The following ANK2 variants were observed in gnomAD, a reference collection of about 807,000 sequenced individuals.
ANK2 encodes the protein ankyrin-2.
Under a neutral mutation model 360.5 loss-of-function variants are expected in ANK2, and 83 were observed. That is an observed-to-expected ratio of 0.23 (90% CI 0.19 to 0.28). The LOEUF is 0.28. Ranked by LOEUF, ANK2 falls within the 10% of genes least tolerant of loss-of-function variation. The probability of loss-of-function intolerance (pLI) is 1.00; values close to 1 mark genes in which losing one functional copy is unlikely to be tolerated. For synonymous variants in ANK2, 1,740 were observed against 1,759.5 expected, an observed-to-expected ratio of 0.99 and a Z score of 0.28; for missense variants, 4,201 against 4,795.7, an observed-to-expected ratio of 0.88 and a Z score of 3.66.
the ANK2 span, among the ~76,000 whole-genome samples, chr4:112,793,512 T>C: frequency 6.6e-6 from 1 of 152,108 alleles, no homozygotes; most frequent in Non-Finnish European, 1.5e-5. Flanking sequence ...CCCCTGTTAA[T>C]AATTTTGTCT....
intron 45 of ANK2, chr4:113,378,003 A>C (rs548267509): frequency 2.0e-6 from 1 of 501,000 alleles, no homozygotes; most frequent in South Asian, 2.2e-5. Context: ...ATCTTTTCAT[A>C]CTGACTATGA....
At chr4:112,905,755 G>A (rs369246443) in intron 2 of ANK2, among the ~76,000 whole-genome samples, 32 of 152,046 alleles carry the variant, frequency 2.1e-4, no homozygotes, top group Admixed American at 6.6e-5. Context: ...TCCACCTTCC[G>A]GGCTCAAGTG....
the ANK2 span, among the ~76,000 whole-genome samples, chr4:112,805,268 T>A: frequency 2.0e-5 from 3 of 152,076 alleles, no homozygotes; most frequent in Non-Finnish European, 4.4e-5. Flanking sequence ...GCCAGAGAAA[T>A]GGGAAATTCT....
intron 1 of ANK2, among the ~76,000 whole-genome samples, chr4:113,067,119 A>C (rs1203601681): frequency 9.0e-6 from 1 of 110,738 alleles, no homozygotes; most frequent in Admixed American, 1.1e-4. Context: ...GGCTTAAAAA[A>C]GTGGGAAAAC....
chr4:113,060,199 A>C (rs374308059), intron 1 of ANK2, among the ~76,000 whole-genome samples: 2 of 152,236 alleles, frequency 1.3e-5, no homozygotes, highest in African/African-American at 4.8e-5. Flanking sequence ...TGAACACATG[A>C]TGTTTTGTTA....
At chr4:112,903,897 G>A (rs1353643411) in intron 1 of ANK2, among the ~76,000 whole-genome samples, 1 of 152,114 alleles carries the variant, frequency 6.6e-6, no homozygotes, top group East Asian at 1.9e-4. Context: ...ATTTTACCAT[G>A]TGTCATGAAG....
chr4:112,781,957 G>A, the ANK2 span, among the ~76,000 whole-genome samples: 1 of 151,242 alleles, frequency 6.6e-6, no homozygotes, highest in African/African-American at 2.4e-5. Flanking sequence ...TGCCTCCCGA[G>A]TAGCTGGGAC....
At chr4:112,783,145 T>C in the ANK2 span, among the ~76,000 whole-genome samples, 1 of 152,054 alleles carries the variant, frequency 6.6e-6, no homozygotes, top group Non-Finnish European at 1.5e-5. Flanking sequence ...CCTGACCTCG[T>C]GATTCCCCCC....
At chr4:113,283,822 A>G (rs1406643490) in intron 18 of ANK2, among the ~76,000 whole-genome samples, 1 of 152,240 alleles carries the variant, frequency 6.6e-6, no homozygotes. Flanking sequence ...AGCTCCTTCC[A>G]TAAATATACA....
intron 2 of ANK2, among the ~76,000 whole-genome samples, chr4:113,001,107 G>A (rs960141946): frequency 6.6e-6 from 1 of 152,048 alleles, no homozygotes; most frequent in African/African-American, 2.4e-5. Context: ...GGCTGAGGCG[G>A]GTGGATCACC....
chr4:113,287,474 A>G (rs1165988626), intron 18 of ANK2, 131 bp from the exon 19 acceptor site: 1 of 749,318 alleles, frequency 1.3e-6, no homozygotes, highest in Non-Finnish European at 2.3e-6. Context: ...ATCAGAAGAT[A>G]TAGTTTCTGG....
At chr4:113,253,640 T>G (rs2047692140) in intron 10 of ANK2, among the ~76,000 whole-genome samples, 2 of 152,168 alleles carry the variant, frequency 1.3e-5, no homozygotes, top group South Asian at 4.1e-4. Flanking sequence ...ACTTTCCACA[T>G]TCTGTCACCA....
intron 1 of ANK2, chr4:112,880,468 C>T (rs1380284150): frequency 6.6e-6 from 1 of 152,186 alleles, no homozygotes; most frequent in African/African-American, 2.4e-5. Context: ...TTACTGATGA[C>T]ATAACTTTTG....
chr4:112,910,599 C>T (rs1043779347), intron 2 of ANK2, among the ~76,000 whole-genome samples: 5 of 152,102 alleles, frequency 3.3e-5, no homozygotes, highest in Middle Eastern at 3.2e-3. Context: ...CTTTCAACAC[C>T]CAGCTTATTT....
chr4:112,864,687 A>G (rs2069570728), intron 1 of ANK2, among the ~76,000 whole-genome samples: 1 of 152,036 alleles, frequency 6.6e-6, no homozygotes, highest in African/African-American at 2.4e-5. Context: ...ATGTTTTGAT[A>G]TAATATAAAA....
At chr4:112,733,657 TCAATTCAA>T in the ANK2 span, among the ~76,000 whole-genome samples, 1 of 152,298 alleles carries the variant, frequency 6.6e-6, no homozygotes, top group East Asian at 1.9e-4. Flanking sequence ...TTTCTTCAAT[TCAATTCAA>T]CAATTCAACT....
intron 2 of ANK2, among the ~76,000 whole-genome samples, chr4:113,182,221 T>C (rs2098432242): frequency 6.6e-6 from 1 of 152,144 alleles, no homozygotes; most frequent in South Asian, 2.1e-4. Flanking sequence ...TGAAGTTTTA[T>C]TAACTGAGAT....
At chr4:112,872,635 T>G (rs1307143497) in intron 1 of ANK2, among the ~76,000 whole-genome samples, 1 of 152,164 alleles carries the variant, frequency 6.6e-6, no homozygotes, top group African/African-American at 2.4e-5. Flanking sequence ...CCACACCTGG[T>G]GCATCTGTAT....
the ANK2 span, among the ~76,000 whole-genome samples, chr4:112,785,490 C>T: frequency 6.6e-6 from 1 of 151,300 alleles, no homozygotes; most frequent in Non-Finnish European, 1.5e-5. Context: ...TCTCCTGCCT[C>T]AGCCTCTCGA....
Sources: allele counts gnomAD v4.1 joint callset (sites outside exome capture counted in the v4.1 genomes callset), GRCh38; gene constraint gnomAD v4.1.1; transcripts MANE v1.5; gene names NCBI Gene and HGNC (gene_info 2026-07-23, HGNC 2026-07-21).